ASPRV1: variants seen among roughly 807,000 people sequenced by gnomAD.
The protein encoded by ASPRV1 is aspartic peptidase retroviral like 1.
Under a neutral mutation model 11.0 loss-of-function variants are expected in ASPRV1, and 7 were observed. That is an observed-to-expected ratio of 0.64 (90% confidence interval 0.36 to 1.20). The LOEUF (loss-of-function observed/expected upper bound fraction) is 1.20. Ranked by LOEUF, ASPRV1 falls within the 50% of genes most tolerant of loss-of-function variation. ASPRV1 has a pLI of 0.02. For missense variants in ASPRV1, 299 were observed against 320.0 expected, an observed-to-expected ratio of 0.93 and a Z score of 0.50; for synonymous variants, 136 against 138.4, an observed-to-expected ratio of 0.98 and a Z score of 0.12.
chr2:70,026,413 G>C, the ASPRV1 span, among the ~76,000 whole-genome samples: 3 of 149,116 alleles, frequency 2.0e-5, no homozygotes, highest in African/African-American at 7.3e-5. Flanking sequence ...AGATTGGAAA[G>C]GAAGAAGTCA....
At chr2:70,079,727 A>G in the ASPRV1 span, among the ~76,000 whole-genome samples, 21 of 152,244 alleles carry the variant, frequency 1.4e-4, no homozygotes, top group African/African-American at 5.1e-4. Context: ...AGAAATGACC[A>G]CTGACTCTAC....
chr2:70,035,345 A>G, the ASPRV1 span, among the ~76,000 whole-genome samples: 1 of 152,128 alleles, frequency 6.6e-6, no homozygotes, highest in Non-Finnish European at 1.5e-5. Flanking sequence ...ACAGAGCAGA[A>G]AAGTCCTATG....
Position 69,960,541 on chromosome 2 carries a change from G to A in ASPRV1, c.*116C>T. On this transcript the variant is annotated 3_prime_UTR_variant, in exon 1 of 1. Coordinates refer to ENST00000320256, the MANE Select transcript of ASPRV1 (RefSeq NM_152792.4). ...AGAGGGAGGCAAAGGGGAGAGAAGA[G>A]CAAGAGTTGATAAGCAGACTGGCCA... 1 of 1,132,440 alleles carries A rather than the reference G, an allele frequency of 8.8e-7. No homozygotes were observed. Among genetic ancestry groups the A allele is most frequent in the Non-Finnish European group, 1.2e-6 (1 of 802,830 alleles). 70.1% of individuals were successfully genotyped at this position (1,132,440 alleles called of 1,614,324 possible). A position where few individuals can be genotyped will look rare whatever the true frequency, so the allele number is the denominator to read the frequency against.
the ASPRV1 span, among the ~76,000 whole-genome samples, chr2:70,045,108 G>A: frequency 4.6e-3 from 706 of 152,132 alleles, 3 homozygotes; most frequent in African/African-American, 0.016. Flanking sequence ...GGCTAAACAC[G>A]TCCCAACAAG....
the ASPRV1 span, among the ~76,000 whole-genome samples, chr2:69,981,188 T>G: frequency 2.0e-5 from 3 of 152,384 alleles, no homozygotes; most frequent in African/African-American, 7.2e-5. Context: ...CATCCTTTAC[T>G]TGCAAGGATA....
the ASPRV1 span, among the ~76,000 whole-genome samples, chr2:70,026,136 T>C: frequency 3.9e-5 from 6 of 152,280 alleles, no homozygotes; most frequent in African/African-American, 1.4e-4. Context: ...CAGCCTAACA[T>C]GGTGAAACCT....
chr2:70,010,404 G>A, the ASPRV1 span, among the ~76,000 whole-genome samples: 1 of 152,134 alleles, frequency 6.6e-6, no homozygotes, highest in East Asian at 1.9e-4. Context: ...GGATTTGCGT[G>A]GCAAGGGTGG....
At chr2:69,982,167 G>A in the ASPRV1 span, among the ~76,000 whole-genome samples, 1 of 152,046 alleles carries the variant, frequency 6.6e-6, no homozygotes, top group African/African-American at 2.4e-5. Context: ...CTTTGAAGTG[G>A]ACACTCTGTG....
chr2:69,956,291 C>A (rs1420731069), downstream of ASPRV1, among the ~76,000 whole-genome samples: 1 of 151,792 alleles, frequency 6.6e-6, no homozygotes, highest in Admixed American at 6.6e-5. Context: ...AGTTGAGGGC[C>A]AGCTAATAGG....
downstream of ASPRV1, among the ~76,000 whole-genome samples, chr2:69,959,053 G>A (rs1318234696): frequency 6.6e-6 from 1 of 152,134 alleles, no homozygotes; most frequent in Non-Finnish European, 1.5e-5. Flanking sequence ...TGGAATCGGA[G>A]GGAAGAAGGG....
chr2:70,062,474 T>C, the ASPRV1 span, among the ~76,000 whole-genome samples: 1 of 152,082 alleles, frequency 6.6e-6, no homozygotes, highest in Non-Finnish European at 1.5e-5. Context: ...CAGCGCCCCC[T>C]CTCTCACCCT....
chr2:69,952,115 A>G, the ASPRV1 span, among the ~76,000 whole-genome samples: 6 of 152,308 alleles, frequency 3.9e-5, no homozygotes, highest in African/African-American at 1.4e-4. Context: ...TTAAATTCCA[A>G]TCTCAGTTCA....
chr2:69,984,185 T>G, the ASPRV1 span, among the ~76,000 whole-genome samples: 73 of 151,996 alleles, frequency 4.8e-4, no homozygotes, highest in African/African-American at 1.5e-3. Context: ...ATTACAGGGG[T>G]GCACCACCAT....
At chr2:69,945,542 C>T in the ASPRV1 span, among the ~76,000 whole-genome samples, 60 of 152,292 alleles carry the variant, frequency 3.9e-4, no homozygotes, top group African/African-American at 1.2e-3. Context: ...CTGGGTTGAA[C>T]ATGTTGCCCA....
the ASPRV1 span, chr2:70,046,901 A>C: frequency 6.6e-6 from 1 of 152,082 alleles, no homozygotes; most frequent in Non-Finnish European, 1.5e-5. Flanking sequence ...TTTTCTTTAT[A>C]TTTTGCTAGG....
At chr2:70,019,987 T>C in the ASPRV1 span, among the ~76,000 whole-genome samples, 3 of 152,182 alleles carry the variant, frequency 2.0e-5, no homozygotes, top group Non-Finnish European at 4.4e-5. Context: ...ACAATGTGTG[T>C]GTATATATAT....
At chr2:69,993,308 CA>C in the ASPRV1 span, 1 of 152,390 alleles carries the variant, frequency 6.6e-6, no homozygotes, top group Admixed American at 6.5e-5. Flanking sequence ...GCCATCCCAC[CA>C]GGCCTGCCAT....
the ASPRV1 span, chr2:70,049,647 CTTCAAAG>C: frequency 2.0e-5 from 3 of 152,184 alleles, no homozygotes; most frequent in Non-Finnish European, 2.9e-5. Flanking sequence ...AACAATGGCC[CTTCAAAG>C]CAGTCCCCTT....
At chr2:70,017,893 AC>A in the ASPRV1 span, 2 of 152,338 alleles carry the variant, frequency 1.3e-5, no homozygotes, top group South Asian at 4.1e-4. Context: ...CAATCCCAGC[AC>A]TTTGGGAGGC....
Sources: allele counts gnomAD v4.1 joint callset (sites outside exome capture counted in the v4.1 genomes callset), GRCh38; gene constraint gnomAD v4.1.1; transcripts MANE v1.5; gene names NCBI Gene and HGNC (gene_info 2026-07-23, HGNC 2026-07-21).